CLASP2: variants seen among roughly 807,000 people sequenced by gnomAD.
The protein encoded by CLASP2 is cytoplasmic linker associated protein 2, also known as CLIP-associating protein 2.
A neutral mutation model predicts 194.4 loss-of-function variants in CLASP2; 47 were observed. The ratio of observed to expected loss-of-function variants is 0.24; its 90% CI spans 0.19 to 0.31. The LOEUF is 0.31. CLASP2 is among the 10% of genes least tolerant of loss of function. The pLI is 1.00. For missense variants in CLASP2, 1,445 were observed against 1,823.6 expected, an observed-to-expected ratio of 0.79 and a Z score of 3.78; for synonymous variants, 619 against 633.5, an observed-to-expected ratio of 0.98 and a Z score of 0.34.
intron 1 of CLASP2, among the ~76,000 whole-genome samples, chr3:33,715,310 T>A (rs1227092058): frequency 1.3e-5 from 2 of 152,246 alleles, no homozygotes; most frequent in African/African-American, 4.8e-5. Flanking sequence ...CATCTTCTGT[T>A]AAGTCACCTT....
chr3:33,613,493 A>G (rs187381204), intron 12 of CLASP2, among the ~76,000 whole-genome samples: 163 of 152,346 alleles, frequency 1.1e-3, no homozygotes, highest in African/African-American at 3.5e-3. Context: ...AGCATTGGGG[A>G]AACAAGTCTT....
intron 7 of CLASP2, among the ~76,000 whole-genome samples, chr3:33,662,259 CT>C (rs1192597576): frequency 1.3e-5 from 2 of 152,122 alleles, no homozygotes; most frequent in Admixed American, 6.5e-5. Context: ...AGGTATTCTA[CT>C]TTTTTCCTTA....
intron 16 of CLASP2, among the ~76,000 whole-genome samples, chr3:33,605,791 A>G (rs1253847597): frequency 2.6e-5 from 4 of 152,052 alleles, no homozygotes; most frequent in Non-Finnish European, 5.9e-5. Flanking sequence ...GCTAATTTTT[A>G]GTAGAGATGG....
chr3:33,534,619 T>A lies in CLASP2; in HGVS notation c.3787+614A>T, dbSNP rs567850251. Among the ~76,000 whole-genome samples the A allele has an allele frequency of 1.7e-4, 26 of 152,318 alleles. No homozygotes were observed. In the East Asian group the frequency reaches 3.7e-3, roughly 21 times the overall value. ...TGTTTTGTACTATATCATCAGTTTT[T>A]ATACAACTTACCTGCATCTTACTGC... On this transcript the variant is annotated intron_variant, in intron 34 of 38. Transcript: ENST00000682230.
intron 10 of CLASP2, among the ~76,000 whole-genome samples, chr3:33,626,220 C>T (rs2078025846): frequency 6.6e-6 from 1 of 152,152 alleles, no homozygotes; most frequent in Non-Finnish European, 1.5e-5. Context: ...TCAAAAGGCC[C>T]TGCATTTGAT....
At chr3:33,664,101 A>G (rs1455520095) in intron 6 of CLASP2, among the ~76,000 whole-genome samples, 1 of 152,216 alleles carries the variant, frequency 6.6e-6, no homozygotes, top group East Asian at 1.9e-4. Flanking sequence ...AAATGTATTT[A>G]TTACAAAAGT....
rs546736344 is a variant in CLASP2 at position 33,527,143 on chromosome 3, T to C, written c.3787+8090A>G. 9.6e-4 allele frequency among the ~76,000 whole-genome samples: 146 copies of C among 152,040 alleles called. 1 individual carries two copies. The highest frequency in any genetic ancestry group is 1.6e-3 in the Non-Finnish European group (111 of 67,946). The stretch of plus-strand genomic sequence containing the variant: ...AAATCAGAGCTGAAATGAAAGAAAT[T>C]GAGACACAAAACATCTTTCAAAAGA... On this transcript the variant is annotated intron_variant, in intron 34 of 38. Transcript: ENST00000682230.
chr3:33,535,590 T>G lies in CLASP2; in HGVS notation c.3559-129A>C. ...AAGATAACAATAACCAGCTAAAAAATTTAAGTAATGGCAATCAACATTATG... is the reference window on the plus strand; with the variant it reads ...AAGATAACAATAACCAGCTAAAAAAGTTAAGTAATGGCAATCAACATTATG... On this transcript the variant is annotated intron_variant, in intron 33 of 38. Transcript: ENST00000682230. The G allele has an allele frequency of 8.5e-6, 6 of 701,760 alleles. No homozygotes were observed. In the South Asian group the frequency reaches 1.2e-4, roughly 14 times the overall value. The allele number at this position is 701,760 out of a possible 1,614,324, so 43.5% of individuals were successfully genotyped here.
At chr3:33,706,604 T>C (rs1011157498) in intron 1 of CLASP2, among the ~76,000 whole-genome samples, 1 of 152,188 alleles carries the variant, frequency 6.6e-6, no homozygotes, top group African/African-American at 2.4e-5. Context: ...AAGTAAAAAC[T>C]GTAGTCTTAA....
In CLASP2 at chr3:33,584,735, A is replaced by G. The variant is rs572627981; in HGVS notation, c.2239+15T>C. ...GGGTTACATGTCTCACATAAAAAAA[A>G]AAAAAAAATCTTACCCACTGAAAGC... On this transcript the variant is annotated intron_variant, in intron 22 of 38. Transcript: ENST00000682230. The G allele has an allele frequency of 1.3e-6, 2 of 1,560,282 alleles. No individual in the cohort carries two copies. The highest frequency in any genetic ancestry group is 2.3e-5 in the East Asian group (1 of 44,444).
chr3:33,608,832 A>T (rs2074482217), intron 13 of CLASP2, among the ~76,000 whole-genome samples: 1 of 143,332 alleles, frequency 7.0e-6, no homozygotes, highest in South Asian at 2.2e-4. Context: ...GGCTCACTGC[A>T]ACCTCTGCCT....
chr3:33,579,993 A>G (rs9834590), intron 23 of CLASP2, among the ~76,000 whole-genome samples: 8,142 of 152,262 alleles, frequency 0.053, 695 homozygotes, highest in African/African-American at 0.18. Flanking sequence ...ACACATACAG[A>G]CATTCTGCAG....
At chr3:33,527,881 T>C (rs2055032574) in intron 34 of CLASP2, among the ~76,000 whole-genome samples, 1 of 152,148 alleles carries the variant, frequency 6.6e-6, no homozygotes, top group South Asian at 2.1e-4. Flanking sequence ...GAGAATTACT[T>C]GAACCCAGAA....
chr3:33,502,707 G>GA lies in CLASP2; in HGVS notation c.4318-940dup, dbSNP rs2047117820. On this transcript the variant is annotated intron_variant, in intron 37 of 38. Transcript: ENST00000682230. ...ATGAATATGCACATTTTACTCCAGG[G>GA]AAAAAATAGAGCTCATCTCCACTAA... 3 of 151,950 alleles carry GA rather than the reference G, an allele frequency of 2.0e-5. No homozygotes were observed. In the South Asian group the frequency reaches 6.2e-4, roughly 31 times the overall value. 9.4% of individuals were successfully genotyped at this position (151,950 alleles called of 1,614,324 possible). A position where few individuals can be genotyped will look rare whatever the true frequency, so the allele number is the denominator to read the frequency against.
In CLASP2 at chr3:33,497,189, CTCTTG is replaced by C. The variant is rs1369356324; in HGVS notation, c.*1437_*1441del. The stretch of plus-strand genomic sequence containing the variant: ...CCTATGACAAATCATCCATTCAGTA[CTCTTG>C]TCTTAAATTCTTTACATATATTTCT... On this transcript the variant is annotated 3_prime_UTR_variant, in exon 39 of 39. Coordinates refer to ENST00000682230, the MANE Select transcript of CLASP2 (RefSeq NM_001365631.1). 6.6e-6 allele frequency: 1 copy of C among 152,512 alleles called. No homozygotes were observed. Among genetic ancestry groups the C allele is most frequent in the Non-Finnish European group, 1.5e-5 (1 of 68,006 alleles). The allele number at this position is 152,512 out of a possible 1,614,324, so 9.4% of individuals were successfully genotyped here.
chr3:33,511,472 T>C (rs2049782087), intron 36 of CLASP2, among the ~76,000 whole-genome samples: 1 of 152,110 alleles, frequency 6.6e-6, no homozygotes, highest in Non-Finnish European at 1.5e-5. Flanking sequence ...AGTACTCTCA[T>C]CTCTAGGAGT....
At chr3:33,546,354 C>T (rs994507477) in intron 30 of CLASP2, among the ~76,000 whole-genome samples, 1 of 152,182 alleles carries the variant, frequency 6.6e-6, no homozygotes. Context: ...TCTGTACTAA[C>T]ACCACATGAC....
chr3:33,680,266 C>T (rs977971577), intron 6 of CLASP2, among the ~76,000 whole-genome samples: 7 of 152,122 alleles, frequency 4.6e-5, no homozygotes, highest in Admixed American at 1.3e-4. Context: ...TATGATACTA[C>T]AATAGCGGAC....
At chr3:33,504,279 A>G (rs1275662829) in intron 37 of CLASP2, 3 of 152,324 alleles carry the variant, frequency 2.0e-5, no homozygotes, top group Non-Finnish European at 1.5e-5. Flanking sequence ...TAAGGTCATA[A>G]AGATTTATCG....
Sources: gnomAD v4.1 joint callset for allele counts (sites outside exome capture counted in the v4.1 genomes callset) on GRCh38, gnomAD v4.1.1 for gene constraint, MANE v1.5 for transcripts, NCBI Gene and HGNC (gene_info 2026-07-23, HGNC 2026-07-21) for gene names.